TEX2: variants seen among roughly 807,000 people sequenced by gnomAD.
TEX2 encodes testis-expressed protein 2.
A neutral mutation model predicts 106.9 loss-of-function variants in TEX2; 53 were observed. The ratio of observed to expected loss-of-function variants is 0.50; its 90% CI spans 0.40 to 0.62. The LOEUF (loss-of-function observed/expected upper bound fraction) is 0.62. TEX2 is among the 20% of genes least tolerant of loss of function. The probability of loss-of-function intolerance (pLI) is 0.00; values close to 1 mark genes in which losing one functional copy is unlikely to be tolerated. For synonymous variants in TEX2, 523 were observed against 534.8 expected, an observed-to-expected ratio of 0.98 and a Z score of 0.30; for missense variants, 1,207 against 1,379.0, an observed-to-expected ratio of 0.88 and a Z score of 1.98.
chr17:64,243,808 CTTTTTTT>C (rs782115456), intron 1 of TEX2, among the ~76,000 whole-genome samples: 1 of 134,484 alleles, frequency 7.4e-6, no homozygotes, highest in African/African-American at 2.7e-5. Context: ...TAAAACACCA[CTTTTTTT>C]TTTTTTTTTT....
rs201346703 is a variant in TEX2 at position 64,150,988 on chromosome 17, T to C, written c.3141-27A>G. ...TTTTTGAAGACAAGTAATAACCACATTTAGAAGCAAAGCAAGGAATGAGAC... is the reference window on the plus strand; with the variant it reads ...TTTTTGAAGACAAGTAATAACCACACTTAGAAGCAAAGCAAGGAATGAGAC... On this transcript the variant is annotated intron_variant, in intron 10 of 11. Transcript: ENST00000584379. The C allele has an allele frequency of 3.0e-4, 485 of 1,610,130 alleles. 2 individuals are homozygous for C. In the African/African-American group the frequency reaches 5.8e-3, roughly 19 times the overall value.
chr17:64,148,852 A>T lies in TEX2; in HGVS notation c.*117T>A. 7.6e-7 allele frequency: 1 copy of T among 1,312,682 alleles called. No homozygotes were observed. The highest frequency in any genetic ancestry group is 1.4e-5 in the South Asian group (1 of 71,542). The allele number at this position is 1,312,682 out of a possible 1,614,324, so 81.3% of individuals were successfully genotyped here. On this transcript the variant is annotated 3_prime_UTR_variant, in exon 12 of 12. Coordinates refer to ENST00000584379, the MANE Select transcript of TEX2 (RefSeq NM_001288732.2). ...GCACTGGCAGGCAGAGGGCAGAAGC[A>T]GTCCTTTAAGAAACAGTAGCTGTGG... is the stretch of plus-strand genomic sequence containing the variant.
intron 5 of TEX2, among the ~76,000 whole-genome samples, chr17:64,186,534 C>T (rs1374037614): frequency 1.3e-5 from 2 of 152,120 alleles, no homozygotes; most frequent in Non-Finnish European, 1.5e-5. Flanking sequence ...AGGTCAAACA[C>T]AGCCAAGGGC....
intron 4 of TEX2, among the ~76,000 whole-genome samples, chr17:64,192,578 TG>T (rs1270293766): frequency 1.3e-5 from 2 of 152,230 alleles, no homozygotes; most frequent in East Asian, 3.8e-4. Context: ...TGTGGTATTT[TG>T]TCCCAGCAGC....
At chr17:64,251,258 G>A (rs1471752123) in intron 1 of TEX2, among the ~76,000 whole-genome samples, 1 of 152,194 alleles carries the variant, frequency 6.6e-6, no homozygotes, top group African/African-American at 2.4e-5. Flanking sequence ...CAGCTTTGGT[G>A]CTGGTTTCCA....
chr17:64,168,273 C>T lies in TEX2; in HGVS notation c.2671+2827G>A, dbSNP rs1040118869. ...TTCACGGTCATTTCTGTTTTATCATCATACATGCATCATTTGTGGACTTGG... is the reference window on the plus strand; with the variant it reads ...TTCACGGTCATTTCTGTTTTATCATTATACATGCATCATTTGTGGACTTGG... On this transcript the variant is annotated intron_variant, in intron 7 of 11. Coordinates refer to ENST00000584379, the MANE Select transcript of TEX2 (RefSeq NM_001288732.2). 3.9e-5 allele frequency among the ~76,000 whole-genome samples: 6 copies of T among 152,196 alleles called. No homozygotes were observed. The South Asian group carries it at 1.2e-3, about 31-fold the overall frequency.
intron 7 of TEX2, among the ~76,000 whole-genome samples, chr17:64,161,423 T>G (rs767255995): frequency 6.6e-6 from 1 of 152,132 alleles, no homozygotes; most frequent in Non-Finnish European, 1.5e-5. Flanking sequence ...TCTCCAGTAT[T>G]GGGAGTGGGA....
chr17:64,262,628 T>C (rs1555638740), intron 1 of TEX2, among the ~76,000 whole-genome samples: 1 of 152,194 alleles, frequency 6.6e-6, no homozygotes, highest in African/African-American at 2.4e-5. Context: ...ATCCCCCGGA[T>C]TTCGGCACGC....
intron 6 of TEX2, among the ~76,000 whole-genome samples, chr17:64,171,878 G>A (rs966365959): frequency 7.2e-5 from 11 of 151,928 alleles, no homozygotes; most frequent in African/African-American, 2.7e-4. Flanking sequence ...TACTCGGAGA[G>A]GCTGAGGTGG....
intron 1 of TEX2, among the ~76,000 whole-genome samples, chr17:64,261,726 G>GA (rs1181161910): frequency 2.6e-5 from 4 of 151,672 alleles, no homozygotes; most frequent in Admixed American, 6.6e-5. Flanking sequence ...AAGGGGCCCA[G>GA]AAAAAAAAGA....
Position 64,212,718 on chromosome 17 carries a change from C to T in TEX2, c.1500G>A (p.Leu500=). The T allele has an allele frequency of 6.2e-7, 1 of 1,614,172 alleles. No individual in the cohort carries two copies. Among genetic ancestry groups the T allele is most frequent in the Admixed American group, 1.7e-5 (1 of 60,028 alleles). ...PLPHYVSGLF[L]GIGLGFMTAV... ...CAGTCATGAATCCAAGGCCAATTCC[C>T]AGAAAGAGTCCACTCACATAGTGGG... The change falls in exon 2 of 12, where the codon CTG becomes CTA. Residue 500 remains leucine (L), a synonymous_variant. Transcript: ENST00000584379.
intron 6 of TEX2, 139 bp from the exon 7 acceptor site, chr17:64,171,338 A>C: frequency 1.5e-6 from 1 of 684,250 alleles, no homozygotes. Context: ...CGTAATGTGC[A>C]CACATCATGT....
rs543611197 is a variant in TEX2 at position 64,172,466 on chromosome 17, A to G, written c.2572-1267T>C. Among the ~76,000 whole-genome samples the G allele has an allele frequency of 2.6e-5, 4 of 152,276 alleles. No individual in the cohort carries two copies. The South Asian group carries it at 8.3e-4, about 32-fold the overall frequency. ...TGGTTGGTCTGCGTGAACTGTGCCA[A>G]CGGTCTCTTTTACCCTCCAGCTTCT... On this transcript the variant is annotated intron_variant, in intron 6 of 11. Coordinates refer to ENST00000584379, the MANE Select transcript of TEX2 (RefSeq NM_001288732.2).
At chr17:64,233,416 A>G (rs1178665951) in intron 1 of TEX2, among the ~76,000 whole-genome samples, 1 of 152,166 alleles carries the variant, frequency 6.6e-6, no homozygotes, top group Admixed American at 6.5e-5. Flanking sequence ...TACTAAAAAT[A>G]CAAAAAATTA....
rs1258702986 is a variant in TEX2, at chr17:64,185,435, T to G, written c.2424+2733A>C. On this transcript the variant is annotated intron_variant, in intron 5 of 11. Transcript: ENST00000584379. This position sits in a 1 kb window ranked among gnomAD's most constrained non-coding sequence, Gnocchi z 4.0. ...GTACCCATGCTGGAAGTGGTACCAT[T>G]GCACTTTCAGACATTTTTTAAAAAA... 6.6e-6 allele frequency among the ~76,000 whole-genome samples: 1 copy of G among 152,174 alleles called. No individual in the cohort carries two copies. Among genetic ancestry groups the G allele is most frequent in the Non-Finnish European group, 1.5e-5 (1 of 68,030 alleles).
chr17:64,237,317 C>T (rs569282563), intron 1 of TEX2, among the ~76,000 whole-genome samples: 110 of 151,874 alleles, frequency 7.2e-4, no homozygotes, highest in African/African-American at 2.5e-3. Flanking sequence ...GACAGGAGTG[C>T]GGCAGGGGCT....
At chr17:64,188,647 T>G (rs964258895) in intron 4 of TEX2, among the ~76,000 whole-genome samples, 3 of 151,922 alleles carry the variant, frequency 2.0e-5, no homozygotes, top group African/African-American at 7.3e-5. Flanking sequence ...AAACCCCATC[T>G]CTACTAAAAA....
chr17:64,187,014 T>C (rs1037741099), intron 5 of TEX2, among the ~76,000 whole-genome samples: 1 of 152,146 alleles, frequency 6.6e-6, no homozygotes, highest in Non-Finnish European at 1.5e-5. Flanking sequence ...GTTTGCACAC[T>C]CCATCACTTA....
At chr17:64,149,172 G>C (rs1598108328) in intron 11 of TEX2, 81 bp from the exon 12 acceptor site, 1 of 1,467,986 alleles carries the variant, frequency 6.8e-7, no homozygotes, top group African/African-American at 1.4e-5. Context: ...ATAATTTTAG[G>C]GCTTAGACTG....
Sources: gnomAD v4.1 joint callset for allele counts (sites outside exome capture counted in the v4.1 genomes callset) on GRCh38, gnomAD v4.1.1 for gene constraint, Gnocchi (gnomAD v3.1) non-coding constraint, MANE v1.5 for transcripts, NCBI Gene and HGNC (gene_info 2026-07-23, HGNC 2026-07-21) for gene names.